PRAMEF15: variants seen among roughly 807,000 people sequenced by gnomAD.
PRAMEF15 encodes PRAME family member 15.
Under a neutral mutation model 35.3 loss-of-function variants are expected in PRAMEF15, and 21 were observed. That is an observed-to-expected ratio of 0.59 (90% CI 0.42 to 0.86). PRAMEF15 has a LOEUF of 0.86. Among genes scored for constraint, PRAMEF15 ranks in the 40% least tolerant of loss-of-function variants. The pLI, the probability that PRAMEF15 is intolerant of heterozygous loss-of-function variation, is 0.00. For synonymous variants in PRAMEF15, 122 were observed against 223.3 expected (o/e 0.55, Z 4.05); for missense variants, 360 against 574.1 (o/e 0.63, Z 3.81).
At chr1:13,321,075 A>C (rs1337812593) in intron 3 of PRAMEF15, among the ~76,000 whole-genome samples, 44 of 149,770 alleles carry the variant, frequency 2.9e-4, no homozygotes, top group African/African-American at 4.4e-4. Context: ...TTTATGCCTG[A>C]ATCTCCACTG....
intron 3 of PRAMEF15, among the ~76,000 whole-genome samples, chr1:13,321,095 G>A (rs1457261487): frequency 2.6e-5 from 4 of 151,942 alleles, no homozygotes; most frequent in Non-Finnish European, 4.4e-5. Flanking sequence ...GGGCTCCTGC[G>A]GCCCAGGGAT....
intron 3 of PRAMEF15, among the ~76,000 whole-genome samples, chr1:13,321,329 C>T (rs1640080811): frequency 6.6e-6 from 1 of 150,684 alleles, no homozygotes; most frequent in Non-Finnish European, 1.5e-5. Flanking sequence ...ATTCTTCTGC[C>T]TCAGCTTCCC....
intron 1 of PRAMEF15, among the ~76,000 whole-genome samples, chr1:13,316,619 C>T (rs2100313785): frequency 6.6e-6 from 1 of 152,008 alleles, no homozygotes; most frequent in African/African-American, 2.4e-5. Flanking sequence ...GGTGCCACTG[C>T]ATTCCAGCTT....
intron 1 of PRAMEF15, among the ~76,000 whole-genome samples, chr1:13,316,322 G>A (rs1167245719): frequency 1.3e-5 from 2 of 151,628 alleles, no homozygotes; most frequent in African/African-American, 4.9e-5. Flanking sequence ...CTATTTGGGT[G>A]GCTGGTGTGG....
At chr1:13,318,008 T>C (rs1640029035) in intron 1 of PRAMEF15, among the ~76,000 whole-genome samples, 1 of 152,076 alleles carries the variant, frequency 6.6e-6, no homozygotes, top group African/African-American at 2.4e-5. Flanking sequence ...AACAAGCTTA[T>C]TTGTAGGAAC....
intron 1 of PRAMEF15, among the ~76,000 whole-genome samples, chr1:13,316,545 T>C (rs79604314): frequency 3.8e-4 from 57 of 150,792 alleles, no homozygotes; most frequent in African/African-American, 1.2e-3. Flanking sequence ...GTCCCAGCTA[T>C]GTGGAAGGCT....
intron 1 of PRAMEF15, 38 bp downstream of exon 1, chr1:13,315,696 C>T (rs1441570420): frequency 6.7e-6 from 1 of 149,644 alleles, no homozygotes; most frequent in African/African-American, 2.5e-5. Flanking sequence ...TCCCATCTGA[C>T]CTACAGTCAG....
In PRAMEF15 at chr1:13,315,822, C is replaced by T. The variant is rs1227622689; in HGVS notation, c.-17+164C>T. 1.1e-4 allele frequency among the ~76,000 whole-genome samples: 16 copies of T among 148,426 alleles called. No homozygotes were observed. In the East Asian group the frequency reaches 2.7e-3, roughly 25 times the overall value. On this transcript the variant is annotated intron_variant, in intron 1 of 3. Transcript: ENST00000376152. ...TGAATTTTTTCCTCTAAATGCAGTT[C>T]TGTCTTTATTTCAAAAAAGTTGATT...
Position 13,319,606 on chromosome 1 carries a change from G to A in PRAMEF15, c.528G>A (p.Arg176=). 4 of 1,613,170 alleles carry A rather than the reference G, an allele frequency of 2.5e-6. No homozygotes were observed. Among genetic ancestry groups the A allele is most frequent in the African/African-American group, 1.3e-5 (1 of 75,040 alleles). Residue 176 remains arginine, a synonymous_variant, in exon 3 of 4, where the codon AGG becomes AGA. Coordinates refer to ENST00000376152, the MANE Select transcript of PRAMEF15 (RefSeq NM_001098376.3). ...LTYLLLWVKQ[R]KDLLHLCCKK... is the part of the protein sequence containing the mutation. Reference sequence around the variant, plus strand: ...ACCTCCTTCTATGGGTCAAGCAGAGGAAAGATTTACTACACCTGTGCTGTA... The same window carrying A: ...ACCTCCTTCTATGGGTCAAGCAGAGAAAAGATTTACTACACCTGTGCTGTA...
At position 13,319,966 on chromosome 1, in the gene PRAMEF15, G is replaced by A. The variant is rs1356976132; in HGVS notation, c.875+13G>A. The A allele has an allele frequency of 1.5e-4, 237 of 1,611,332 alleles. 2 individuals carry two copies. In the South Asian group the frequency reaches 2.5e-3, roughly 17 times the overall value. Reference sequence around the variant, plus strand: ...ACCAGCTGCTCAGGTGAGGGAGGATGGTGAGCTTTCTCTGCAGACCACAGC... The same window carrying A: ...ACCAGCTGCTCAGGTGAGGGAGGATAGTGAGCTTTCTCTGCAGACCACAGC... On this transcript the variant is annotated intron_variant, in intron 3 of 3. Coordinates refer to ENST00000376152, the MANE Select transcript of PRAMEF15 (RefSeq NM_001098376.3).
At chr1:13,320,413 A>G (rs1420328620) in intron 3 of PRAMEF15, among the ~76,000 whole-genome samples, 1 of 152,054 alleles carries the variant, frequency 6.6e-6, no homozygotes. Context: ...AATAAAAGTA[A>G]AAACAAACAA....
chr1:13,319,372 G>C lies in PRAMEF15; in HGVS notation c.294G>C (p.Arg98Ser). Residue 98 changes from arginine (R) to serine (S), a missense_variant and splice_region_variant, in exon 3 of 4, where the codon AGG becomes AGC. Arg to Ser is a moderately radical substitution (Grantham distance 110). This residue lies in a region of PRAMEF15 where 44 missense variants were observed against 25.9 expected (regional missense o/e 1.70). Transcript: ENST00000376152. ...CAGTCTCACCTCTATTTTGCCACAG[G>C]AGGTGGAAACTCCAAGTGCTGGATT... ...DALLTQGVRP[R>S]RWKLQVLDLQ... 6.2e-7 allele frequency: 1 copy of C among 1,610,572 alleles called. No homozygotes were observed.
At chr1:13,318,184 C>A (rs1370994246) in intron 1 of PRAMEF15, among the ~76,000 whole-genome samples, 8 of 152,076 alleles carry the variant, frequency 5.3e-5, no homozygotes, top group South Asian at 4.2e-4. Flanking sequence ...TAGTGGTGGC[C>A]CTGCTTCCTC....
At position 13,322,006 on chromosome 1, in the gene PRAMEF15, C is replaced by A; in HGVS notation, c.1179C>A (p.Cys393Ter). ...NTFSFCGNPICMATLENLLSH... is the reference protein window; with the variant it reads ...NTFSFCGNPI ...TCAGCTTCTGTGGAAATCCCATCTGCATGGCCACCCTGGAGAACCTGCTGA... is the reference window on the plus strand; with the variant it reads ...TCAGCTTCTGTGGAAATCCCATCTGAATGGCCACCCTGGAGAACCTGCTGA... The change falls in exon 4 of 4, where the codon TGC (cysteine) becomes TGA (stop). Residue 393 changes from cysteine to a stop codon, truncating the protein, a stop_gained. Coordinates refer to ENST00000376152, the MANE Select transcript of PRAMEF15 (RefSeq NM_001098376.3). LOFTEE classifies it high-confidence loss of function. The A allele has an allele frequency of 1.2e-6, 2 of 1,609,918 alleles. No individual in the cohort carries two copies. The highest frequency in any genetic ancestry group is 1.7e-5 in the Admixed American group (1 of 59,880).
At chr1:13,315,755 C>A (rs1478134252) in intron 1 of PRAMEF15, 97 bp downstream of exon 1, 6 of 148,826 alleles carry the variant, frequency 4.0e-5, no homozygotes, top group Non-Finnish European at 9.0e-5. Flanking sequence ...AGAGCTATAT[C>A]CTGTCCTTTT....
intron 3 of PRAMEF15, among the ~76,000 whole-genome samples, chr1:13,321,352 T>C (rs1300770976): frequency 6.6e-6 from 1 of 151,156 alleles, no homozygotes; most frequent in African/African-American, 2.4e-5. Context: ...GTAGCTGGAA[T>C]TGCAGGCTCC....
rs1333339441 is a variant in PRAMEF15 at position 13,321,908 on chromosome 1, G to A, written c.1081G>A (p.Asp361Asn). 3 of 1,611,026 alleles carry A rather than the reference G, an allele frequency of 1.9e-6. No homozygotes were observed. Among genetic ancestry groups the A allele is most frequent in the Admixed American group, 3.3e-5 (2 of 59,812 alleles). Residue 361 changes from aspartate to asparagine, a missense_variant, in exon 4 of 4, where the codon GAC becomes AAC. Coordinates refer to ENST00000376152, the MANE Select transcript of PRAMEF15 (RefSeq NM_001098376.3). ...CACCCTTGAGTACCTGGATTTAGATGACTGTGGCATCATAGACTCCCAAGT... is the reference window on the plus strand; with the variant it reads ...CACCCTTGAGTACCTGGATTTAGATAACTGTGGCATCATAGACTCCCAAGT... ...AATLEYLDLD[D>N]CGIIDSQVNA...
chr1:13,319,247 C>T (rs1205235500), intron 2 of PRAMEF15, 125 bp from the exon 3 acceptor site: 1 of 1,487,272 alleles, frequency 6.7e-7, no homozygotes, highest in Non-Finnish European at 9.1e-7. Flanking sequence ...AAGGGGAAAA[C>T]AGAGTGAAGA....
chr1:13,320,055 T>C, intron 3 of PRAMEF15, 102 bp downstream of exon 3: 1 of 1,596,842 alleles, frequency 6.3e-7, no homozygotes, highest in South Asian at 1.1e-5. Flanking sequence ...GATGAAACAG[T>C]GAAGAGGACA....
Sources: gnomAD v4.1 joint callset for allele counts (sites outside exome capture counted in the v4.1 genomes callset) on GRCh38, gnomAD v4.1.1 for gene constraint, gnomAD v4.1.1 regional missense constraint, MANE v1.5 for transcripts, NCBI Gene and HGNC (gene_info 2026-07-23, HGNC 2026-07-21) for gene names.